The following MTUS1 variants were observed in gnomAD, a reference collection of about 807,000 sequenced individuals.
The protein encoded by MTUS1 is microtubule associated scaffold protein 1.
MTUS1 carries 109 observed loss-of-function variants against 120.8 expected under a neutral mutation model. That is an observed-to-expected ratio of 0.90 (90% confidence interval 0.77 to 1.06). The LOEUF (loss-of-function observed/expected upper bound fraction) is 1.06, where lower values mean the gene tolerates loss of function less well. Ranked by LOEUF, MTUS1 falls within the 50% of genes least tolerant of loss-of-function variation. MTUS1 has a pLI of 0.00. For synonymous variants in MTUS1, 737 were observed against 550.5 expected, an observed-to-expected ratio of 1.34 and a Z score of -4.74; for missense variants, 2,210 against 1,486.3, an observed-to-expected ratio of 1.49 and a Z score of -8.01.
intron 4 of MTUS1, among the ~76,000 whole-genome samples, chr8:17,720,977 T>C (rs2979773): frequency 0.83 from 125,886 of 152,148 alleles, 52,125 homozygotes; most frequent in Middle Eastern, 0.9. Context: ...TATTTTGATT[T>C]GGTCATTTAA....
At chr8:17,716,027 G>T in intron 4 of MTUS1, 126 bp from the exon 5 acceptor site, 1 of 787,736 alleles carries the variant, frequency 1.3e-6, no homozygotes, top group Non-Finnish European at 2.0e-6. Context: ...AGTCATTACT[G>T]AACATTGGGA....
intron 1 of MTUS1, among the ~76,000 whole-genome samples, chr8:17,796,972 C>G (rs2052292451): frequency 6.6e-6 from 1 of 152,134 alleles, no homozygotes; most frequent in Non-Finnish European, 1.5e-5. Flanking sequence ...ATTAGCCAGG[C>G]ATGGTGGCGC....
At chr8:17,678,804 G>A (rs1813651690) in intron 7 of MTUS1, among the ~76,000 whole-genome samples, 1 of 151,506 alleles carries the variant, frequency 6.6e-6, no homozygotes, top group Admixed American at 6.6e-5. Flanking sequence ...TTTGGGGAGG[G>A]TGACCTCAGC....
intron 6 of MTUS1, among the ~76,000 whole-genome samples, chr8:17,687,272 G>A (rs531774810): frequency 2.6e-5 from 4 of 152,238 alleles, no homozygotes; most frequent in African/African-American, 7.2e-5. Context: ...CATGGCAGCC[G>A]ATGACCCAGT....
chr8:17,799,865 C>T (rs1419692156), intron 1 of MTUS1, among the ~76,000 whole-genome samples: 1 of 151,550 alleles, frequency 6.6e-6, no homozygotes, highest in African/African-American at 2.4e-5. Context: ...GGTTTTTTAG[C>T]TTTGGTTTTA....
chr8:17,757,278 T>C (rs924675025), intron 1 of MTUS1, among the ~76,000 whole-genome samples: 3 of 152,222 alleles, frequency 2.0e-5, no homozygotes, highest in African/African-American at 4.8e-5. Flanking sequence ...TGAAATATTA[T>C]ATCAAATGAA....
chr8:17,674,427 A>G, intron 8 of MTUS1: 5 of 976,114 alleles, frequency 5.1e-6, no homozygotes, highest in African/African-American at 1.8e-5. Flanking sequence ...TCAAAAAAAA[A>G]AGAAAAAGAA....
At chr8:17,761,331 T>A (rs910311354) in intron 1 of MTUS1, among the ~76,000 whole-genome samples, 9 of 152,224 alleles carry the variant, frequency 5.9e-5, no homozygotes, top group Non-Finnish European at 1.2e-4. Context: ...CCTAAAGAAC[T>A]GAATCATTAT....
rs749945248 is a variant in MTUS1 at position 17,743,766 on chromosome 8, T to C, written c.2125A>G (p.Arg709Gly). The C allele has an allele frequency of 6.2e-7, 1 of 1,614,098 alleles. No homozygotes were observed. The highest frequency in any genetic ancestry group is 8.5e-7 in the Non-Finnish European group (1 of 1,180,000). Residue 709 changes from arginine (R) to glycine (G), a missense_variant, in exon 3 of 15, where the codon AGG (arginine) becomes GGG (glycine). Coordinates refer to ENST00000693296, the MANE Select transcript of MTUS1 (RefSeq NM_001363059.2). ...SASKTTTTSG[R>G]NISKPDSCGL... Reference sequence around the variant, plus strand: ...CAGGAGTCAGGCTTGGATATATTCCTACCTGAGGTGGTCGTTGTTTTTGAA... The same window carrying C: ...CAGGAGTCAGGCTTGGATATATTCCCACCTGAGGTGGTCGTTGTTTTTGAA...
intron 3 of MTUS1, among the ~76,000 whole-genome samples, chr8:17,738,272 G>C (rs918507397): frequency 6.6e-6 from 1 of 152,188 alleles, no homozygotes; most frequent in Non-Finnish European, 1.5e-5. Flanking sequence ...TCTTTGTGCC[G>C]CTTTGTGTTT....
intron 6 of MTUS1, among the ~76,000 whole-genome samples, chr8:17,689,434 C>T (rs1323923064): frequency 6.6e-6 from 1 of 152,132 alleles, no homozygotes; most frequent in Non-Finnish European, 1.5e-5. Context: ...AAAGCATATT[C>T]ATATAAAAAA....
chr8:17,709,113 G>T (rs933203048), intron 6 of MTUS1: 1 of 151,304 alleles, frequency 6.6e-6, no homozygotes, highest in African/African-American at 2.4e-5. Flanking sequence ...CTCCAGCCTG[G>T]GCGACAGAGC....
chr8:17,730,997 T>TTTC (rs61335341), intron 3 of MTUS1, among the ~76,000 whole-genome samples: 33 of 151,800 alleles, frequency 2.2e-4, no homozygotes, highest in Admixed American at 1.3e-4. Flanking sequence ...TGCCACAATT[T>TTTC]AAGTTAAAAA....
rs4921806 is a variant in MTUS1, at chr8:17,703,430, G to C, written c.2623+9784C>G. Reference sequence around the variant, plus strand: ...GGGCAGATCACGAGGTCAGGAGATCGAGACCATCCTGGTTAACATGGTGAA... The same window carrying C: ...GGGCAGATCACGAGGTCAGGAGATCCAGACCATCCTGGTTAACATGGTGAA... On this transcript the variant is annotated intron_variant, in intron 6 of 14. Coordinates refer to ENST00000693296, the MANE Select transcript of MTUS1 (RefSeq NM_001363059.2). Among the ~76,000 whole-genome samples the C allele has an allele frequency of 3.5e-4, 54 of 152,116 alleles. 2 individuals carry two copies. The highest frequency in any genetic ancestry group is 6.8e-3 in the Middle Eastern group (2 of 294).
chr8:17,645,446 CATTTA>C lies in MTUS1; in HGVS notation c.*475_*479del, dbSNP rs1805591053. 1 of 156,282 alleles carries C rather than the reference CATTTA, an allele frequency of 6.4e-6. No individual in the cohort carries two copies. The highest frequency in any genetic ancestry group is 6.4e-5 in the Admixed American group (1 of 15,744). 9.7% of individuals were successfully genotyped at this position (156,282 alleles called of 1,614,324 possible). The stretch of plus-strand genomic sequence containing the variant: ...ATATCCAGATATATTCAGATTTTGA[CATTTA>C]ATACACAGCAGAGGAGGCTGCATCA... On this transcript the variant is annotated 3_prime_UTR_variant, in exon 15 of 15. Transcript: ENST00000693296.
intron 1 of MTUS1, among the ~76,000 whole-genome samples, chr8:17,771,846 C>T (rs899032118): frequency 3.3e-5 from 5 of 152,224 alleles, no homozygotes; most frequent in Non-Finnish European, 7.3e-5. Flanking sequence ...TCTACTAGTT[C>T]TGTATGTGAG....
At chr8:17,764,690 G>T (rs761655355) in intron 1 of MTUS1, among the ~76,000 whole-genome samples, 5 of 152,200 alleles carry the variant, frequency 3.3e-5, no homozygotes, top group Non-Finnish European at 7.3e-5. Flanking sequence ...AATCAAAGAC[G>T]CCACAGACGA....
intron 1 of MTUS1, among the ~76,000 whole-genome samples, chr8:17,765,726 A>AAATG (rs2049435980): frequency 1.3e-5 from 2 of 151,162 alleles, no homozygotes; most frequent in Non-Finnish European, 2.9e-5. Context: ...ACAAATGCAC[A>AAATG]CACAATTTTT....
intron 6 of MTUS1, among the ~76,000 whole-genome samples, chr8:17,685,637 G>A (rs1048087468): frequency 1.2e-4 from 18 of 152,078 alleles, no homozygotes; most frequent in Non-Finnish European, 4.4e-5. Context: ...AGAAACATCA[G>A]TACTCACTTT....
Sources: gnomAD v4.1 joint callset for allele counts (sites outside exome capture counted in the v4.1 genomes callset) on GRCh38, gnomAD v4.1.1 for gene constraint, MANE v1.5 for transcripts, NCBI Gene and HGNC (gene_info 2026-07-23, HGNC 2026-07-21) for gene names.